The following MTCL2 variants were observed in gnomAD, a reference collection of about 807,000 sequenced individuals.
MTCL2 encodes microtubule crosslinking factor 2.
At chr20:36,817,315 A>G in the MTCL2 span, 1 of 997,786 alleles carries the variant, frequency 1.0e-6, no homozygotes. Flanking sequence ...GAGCAAGGGG[A>G]GGACAGGGCA....
chr20:36,816,008 C>A, the MTCL2 span: 1 of 1,613,744 alleles, frequency 6.2e-7, no homozygotes, highest in African/African-American at 1.3e-5. Flanking sequence ...TCATGTCGTC[C>A]ATCTCAGCCC....
the MTCL2 span, among the ~76,000 whole-genome samples, chr20:36,829,711 G>A: frequency 0.094 from 14,288 of 151,864 alleles, 1,174 homozygotes; most frequent in East Asian, 0.34. Context: ...TAGACACGGG[G>A]TCTCAGCCGG....
chr20:36,790,450 T>A, the MTCL2 span, among the ~76,000 whole-genome samples: 1,035 of 113,164 alleles, frequency 9.1e-3, 10 homozygotes, highest in African/African-American at 0.029. Flanking sequence ...TTTTTTTTTT[T>A]AAAAGATGGA....
chr20:36,827,977 T>A, the MTCL2 span, among the ~76,000 whole-genome samples: 1 of 152,172 alleles, frequency 6.6e-6, no homozygotes, highest in Non-Finnish European at 1.5e-5. Context: ...GAGAGGGCAT[T>A]GGCACATCAC....
the MTCL2 span, chr20:36,802,783 T>A: frequency 6.7e-7 from 1 of 1,497,510 alleles, no homozygotes; most frequent in Non-Finnish European, 9.0e-7. Flanking sequence ...CCTGAAGGAG[T>A]TCCTGCTTCT....
chr20:36,862,427 G>A, the MTCL2 span, among the ~76,000 whole-genome samples: 2 of 152,192 alleles, frequency 1.3e-5, no homozygotes, highest in African/African-American at 2.4e-5. Context: ...CCAGGTTAGG[G>A]CCCTGTAGCC....
the MTCL2 span, chr20:36,829,303 C>T: frequency 7.5e-7 from 1 of 1,341,108 alleles, no homozygotes; most frequent in South Asian, 1.4e-5. Flanking sequence ...CACAGCAGGG[C>T]AACCCTAGAG....
the MTCL2 span, chr20:36,806,036 T>G: frequency 8.1e-7 from 1 of 1,231,596 alleles, no homozygotes; most frequent in Non-Finnish European, 1.1e-6. Context: ...ACCATGTAGG[T>G]CGAGGAGCAC....
the MTCL2 span, among the ~76,000 whole-genome samples, chr20:36,795,345 C>T: frequency 2.6e-3 from 400 of 152,296 alleles, 1 homozygote; most frequent in African/African-American, 9.4e-3. Context: ...CTGCCTCTGC[C>T]TCTCAAAATG....
the MTCL2 span, among the ~76,000 whole-genome samples, chr20:36,847,840 A>G: frequency 1.4e-5 from 2 of 141,014 alleles, no homozygotes; most frequent in Admixed American, 1.5e-4. Flanking sequence ...AGTGACACAG[A>G]GACAGTCTGA....
At chr20:36,821,274 C>A in the MTCL2 span, among the ~76,000 whole-genome samples, 1 of 152,192 alleles carries the variant, frequency 6.6e-6, no homozygotes, top group East Asian at 1.9e-4. Context: ...ATAATCCCAG[C>A]ACTTTGGGAG....
At chr20:36,843,827 T>C in the MTCL2 span, among the ~76,000 whole-genome samples, 1 of 152,194 alleles carries the variant, frequency 6.6e-6, no homozygotes, top group African/African-American at 2.4e-5. Context: ...CATTAACAAA[T>C]GCATGACATT....
the MTCL2 span, among the ~76,000 whole-genome samples, chr20:36,789,664 CAA>C: frequency 1.7e-5 from 2 of 115,354 alleles, no homozygotes; most frequent in Non-Finnish European, 1.9e-5. Flanking sequence ...GGCTCCGTCT[CAA>C]AAAAAAAAAA....
At chr20:36,826,776 T>C in the MTCL2 span, among the ~76,000 whole-genome samples, 2 of 152,172 alleles carry the variant, frequency 1.3e-5, no homozygotes, top group Admixed American at 6.5e-5. Flanking sequence ...GCTTCTACCC[T>C]CTGGCTATTG....
At chr20:36,855,190 T>C in the MTCL2 span, among the ~76,000 whole-genome samples, 11 of 152,158 alleles carry the variant, frequency 7.2e-5, no homozygotes, top group African/African-American at 2.7e-4. Context: ...CCTGCACACT[T>C]TCTCTTACGG....
At chr20:36,793,454 G>C in the MTCL2 span, 1 of 1,551,292 alleles carries the variant, frequency 6.4e-7, no homozygotes, top group Non-Finnish European at 8.7e-7. The surrounding 1 kb of genome is among the most constrained non-coding windows in gnomAD (Gnocchi z 6.8). Flanking sequence ...TGCTGATGAG[G>C]TGGGGCTCGG....
chr20:36,804,642 A>C, the MTCL2 span: 1 of 1,511,056 alleles, frequency 6.6e-7, no homozygotes, highest in Non-Finnish European at 9.1e-7. Flanking sequence ...TTATTCCTCT[A>C]GGAGCATGGC....
chr20:36,848,373 T>C, the MTCL2 span, among the ~76,000 whole-genome samples: 3 of 152,226 alleles, frequency 2.0e-5, no homozygotes, highest in Non-Finnish European at 4.4e-5. Flanking sequence ...GATGGACTGA[T>C]TCCCAAGAAT....
At chr20:36,860,178 G>A in the MTCL2 span, among the ~76,000 whole-genome samples, 1 of 152,126 alleles carries the variant, frequency 6.6e-6, no homozygotes, top group Non-Finnish European at 1.5e-5. Context: ...CCTTAGCGCT[G>A]TTCTTGAACT....
Sources: gnomAD v4.1 joint callset for allele counts (sites outside exome capture counted in the v4.1 genomes callset) on GRCh38, gnomAD v4.1.1 for gene constraint, Gnocchi (gnomAD v3.1) non-coding constraint, MANE v1.5 for transcripts, NCBI Gene and HGNC (gene_info 2026-07-23, HGNC 2026-07-21) for gene names.